The following ARHGAP26 variants were observed in gnomAD, a reference collection of about 807,000 sequenced individuals.
ARHGAP26 encodes the protein Rho GTPase activating protein 26.
In ARHGAP26, 38 loss-of-function variants were observed where a neutral mutation model predicts 104.8. That is an observed-to-expected ratio of 0.36 (90% confidence interval 0.28 to 0.48). The LOEUF (loss-of-function observed/expected upper bound fraction) is 0.48, where lower values mean the gene tolerates loss of function less well. ARHGAP26 is among the 20% of genes least tolerant of loss of function. ARHGAP26 has a pLI of 0.99. For synonymous variants in ARHGAP26, 341 were observed against 340.0 expected (o/e 1.00, Z -0.03); for missense variants, 704 against 947.9 (o/e 0.74, Z 3.38).
intron 11 of ARHGAP26, among the ~76,000 whole-genome samples, chr5:142,950,873 C>G (rs957780523): frequency 2.6e-5 from 4 of 152,188 alleles, no homozygotes; most frequent in Admixed American, 1.3e-4. Flanking sequence ...GCTTGCAAAC[C>G]AAGTTACTCC....
In ARHGAP26 at chr5:142,944,668, T is replaced by C. The variant is rs74338999; in HGVS notation, c.1107+12543T>C. On this transcript the variant is annotated intron_variant, in intron 11 of 22. Coordinates refer to ENST00000645722, the MANE Select transcript of ARHGAP26 (RefSeq NM_001135608.3). Reference sequence around the variant, plus strand: ...GATTGACAATCTTTTCTCATGTTTATTGGCCGTTTCTATTTATCCTTTTTT... The same window carrying C: ...GATTGACAATCTTTTCTCATGTTTACTGGCCGTTTCTATTTATCCTTTTTT... Among the ~76,000 whole-genome samples the C allele has an allele frequency of 6.2e-3, 942 of 152,366 alleles. 11 individuals carry two copies. The highest frequency in any genetic ancestry group is 0.022 in the African/African-American group (901 of 41,576).
intron 1 of ARHGAP26, among the ~76,000 whole-genome samples, chr5:142,784,293 CTG>C (rs1758103264): frequency 6.6e-6 from 1 of 152,210 alleles, no homozygotes; most frequent in African/African-American, 2.4e-5. Flanking sequence ...CTTTTGGCCT[CTG>C]TGTCTTTTGG....
intron 17 of ARHGAP26, among the ~76,000 whole-genome samples, chr5:143,100,921 T>C (rs1793132399): frequency 6.6e-6 from 1 of 152,154 alleles, no homozygotes; most frequent in Admixed American, 6.5e-5. Flanking sequence ...CGAAACCCTG[T>C]CTCTACTAAA....
intron 17 of ARHGAP26, among the ~76,000 whole-genome samples, chr5:143,061,605 T>A (rs1401378272): frequency 6.6e-6 from 1 of 152,158 alleles, no homozygotes; most frequent in African/African-American, 2.4e-5. Context: ...CAGAGAGATA[T>A]GGTATCATTT....
intron 1 of ARHGAP26, among the ~76,000 whole-genome samples, chr5:142,832,393 T>A (rs1768644687): frequency 6.6e-6 from 1 of 152,308 alleles, no homozygotes; most frequent in East Asian, 1.9e-4. Context: ...TCTCTCTCTC[T>A]GCACACATGC....
At chr5:143,186,023 G>A (rs771576337) in intron 20 of ARHGAP26, among the ~76,000 whole-genome samples, 6 of 152,174 alleles carry the variant, frequency 3.9e-5, no homozygotes, top group African/African-American at 1.2e-4. Flanking sequence ...AAGTTAAGAG[G>A]CCATGGCTCA....
chr5:143,012,536 T>TATATACA (rs1778894453), intron 11 of ARHGAP26, among the ~76,000 whole-genome samples: 1 of 62,752 alleles, frequency 1.6e-5, no homozygotes, highest in South Asian at 3.7e-4. Flanking sequence ...GAGGGATATA[T>TATATACA]TTATATACAT....
chr5:142,989,049 T>G (rs1775205286), intron 11 of ARHGAP26, among the ~76,000 whole-genome samples: 1 of 152,226 alleles, frequency 6.6e-6, no homozygotes, highest in Admixed American at 6.5e-5. Context: ...ATATCCTTTT[T>G]AACTTTCTGC....
intron 20 of ARHGAP26, among the ~76,000 whole-genome samples, chr5:143,148,969 C>T (rs1799481779): frequency 6.6e-6 from 1 of 152,030 alleles, no homozygotes; most frequent in African/African-American, 2.4e-5. Context: ...AACTGTGGGC[C>T]CCTGAGTCAC....
intron 11 of ARHGAP26, among the ~76,000 whole-genome samples, chr5:142,986,127 C>T (rs1259023336): frequency 7.9e-5 from 12 of 152,146 alleles, no homozygotes; most frequent in African/African-American, 1.9e-4. Flanking sequence ...CCACCAACAG[C>T]GTAAAAGTGT....
chr5:143,093,193 G>A (rs1367513631), intron 17 of ARHGAP26, among the ~76,000 whole-genome samples: 4 of 151,146 alleles, frequency 2.6e-5, no homozygotes, highest in African/African-American at 9.7e-5. Flanking sequence ...GATGAGGTGT[G>A]CTCACAATGA....
rs573062412 is a variant in ARHGAP26 at position 142,840,886 on chromosome 5, G to A, written c.155-32514G>A. ...CAAAGAAAGGTTCAGTAGCGGTAAT[G>A]TAAGAACATAAAAGGAAGTAGTACT... On this transcript the variant is annotated intron_variant, in intron 1 of 22. Transcript: ENST00000645722. 1.6e-4 allele frequency among the ~76,000 whole-genome samples: 25 copies of A among 152,312 alleles called. No individual in the cohort carries two copies. In the East Asian group the frequency reaches 4.4e-3, roughly 27 times the overall value.
intron 3 of ARHGAP26, among the ~76,000 whole-genome samples, chr5:142,875,431 T>C (rs1234858399): frequency 6.6e-6 from 1 of 152,312 alleles, no homozygotes; most frequent in East Asian, 1.9e-4. Context: ...GGTGTATGAC[T>C]TAAGGGTGGA....
intron 14 of ARHGAP26, among the ~76,000 whole-genome samples, chr5:143,048,690 C>T (rs1361799127): frequency 2.6e-5 from 4 of 151,632 alleles, no homozygotes; most frequent in Non-Finnish European, 4.4e-5. Context: ...CCGAGGAGGG[C>T]GGATCACAAG....
In ARHGAP26 at chr5:143,228,298, A is replaced by C. The variant is rs1442281012; in HGVS notation, c.*5852A>C. On this transcript the variant is annotated 3_prime_UTR_variant, in exon 23 of 23. Coordinates refer to ENST00000645722, the MANE Select transcript of ARHGAP26 (RefSeq NM_001135608.3). ...TACATCTATGAAGACATAGACACTT[A>C]CAGAGACCCACATGAGCTGGCACTT... 2.7e-5 allele frequency: 6 copies of C among 224,566 alleles called. No homozygotes were observed. In the East Asian group the frequency reaches 3.9e-4, roughly 15 times the overall value. 13.9% of individuals were successfully genotyped at this position (224,566 alleles called of 1,614,324 possible).
chr5:143,017,278 G>A (rs1016495600), intron 12 of ARHGAP26, among the ~76,000 whole-genome samples: 2 of 152,214 alleles, frequency 1.3e-5, no homozygotes, highest in Non-Finnish European at 2.9e-5. Flanking sequence ...CAGGGCATAC[G>A]GTGCCTGTGG....
chr5:142,775,140 A>T (rs1756042858), intron 1 of ARHGAP26, among the ~76,000 whole-genome samples: 1 of 151,994 alleles, frequency 6.6e-6, no homozygotes, highest in Non-Finnish European at 1.5e-5. Context: ...TATATATATA[A>T]AATAAAATAG....
rs1428759498 is a variant in ARHGAP26 at position 142,932,057 on chromosome 5, A to G, written c.1039A>G (p.Ile347Val). Reference sequence around the variant, plus strand: ...CTCCTTTCTCTGCAGGCCAGGGGTTATCACCATGCAAGCTTTGTCGGAAGA... The same window carrying G: ...CTCCTTTCTCTGCAGGCCAGGGGTTGTCACCATGCAAGCTTTGTCGGAAGA... ...DVEAVDRPGV[I>V]TMQALSEEDR... Residue 347 changes from isoleucine (I) to valine (V), a missense_variant, in exon 11 of 23, where the codon ATC becomes GTC. Coordinates refer to ENST00000645722, the MANE Select transcript of ARHGAP26 (RefSeq NM_001135608.3). 1 of 1,613,970 alleles carries G rather than the reference A, an allele frequency of 6.2e-7. No homozygotes were observed. The highest frequency in any genetic ancestry group is 1.3e-5 in the African/African-American group (1 of 74,932).
chr5:143,029,392 GTTTTTTTTTTTTTTT>G (rs536919888), intron 12 of ARHGAP26, among the ~76,000 whole-genome samples: 3 of 80,846 alleles, frequency 3.7e-5, no homozygotes, highest in Admixed American at 1.5e-4. Flanking sequence ...TTACTTCTCA[GTTTTTTTTTTTTTTT>G]TTTTTTTTTT....
Sources: allele counts gnomAD v4.1 joint callset (sites outside exome capture counted in the v4.1 genomes callset), GRCh38; gene constraint gnomAD v4.1.1; transcripts MANE v1.5; gene names NCBI Gene and HGNC (gene_info 2026-07-23, HGNC 2026-07-21).